PTPRM: variants seen among roughly 807,000 people sequenced by gnomAD.
The protein encoded by PTPRM is receptor-type tyrosine-protein phosphatase mu.
Under a neutral mutation model 186.7 loss-of-function variants are expected in PTPRM, and 47 were observed. The observed-to-expected ratio is 0.25, with a 90% CI of 0.20 to 0.32. PTPRM has a LOEUF of 0.32. Ranked by LOEUF, PTPRM falls within the 10% of genes least tolerant of loss-of-function variation. The probability of loss-of-function intolerance (pLI) is 1.00; values close to 1 mark genes in which losing one functional copy is unlikely to be tolerated. For missense variants in PTPRM, 1,494 were observed against 1,865.0 expected (o/e 0.80, Z 3.66); for synonymous variants, 668 against 674.9 (o/e 0.99, Z 0.16).
At chr18:8,111,397 T>A (rs998889942) in intron 11 of PTPRM, among the ~76,000 whole-genome samples, 1 of 152,076 alleles carries the variant, frequency 6.6e-6, no homozygotes, top group Non-Finnish European at 1.5e-5. Context: ...CGGATCACGA[T>A]GTCAGGAGAT....
At chr18:8,170,432 T>C (rs1359143425) in intron 14 of PTPRM, among the ~76,000 whole-genome samples, 1 of 151,934 alleles carries the variant, frequency 6.6e-6, no homozygotes, top group East Asian at 1.9e-4. Context: ...TTGTTGTTAT[T>C]AAAGCTTCAT....
chr18:8,341,951 T>C (rs1285743685), intron 22 of PTPRM, among the ~76,000 whole-genome samples: 1 of 152,062 alleles, frequency 6.6e-6, no homozygotes. Context: ...TGGTGGAGCT[T>C]TGTGGGAGGC....
At chr18:8,172,710 GA>G (rs757024993) in intron 14 of PTPRM, among the ~76,000 whole-genome samples, 84 of 142,168 alleles carry the variant, frequency 5.9e-4, no homozygotes, top group African/African-American at 1.7e-3. Context: ...AAAAAAAAAA[GA>G]AAAAAAAAAC....
intron 7 of PTPRM, among the ~76,000 whole-genome samples, chr18:7,996,617 A>G (rs1286240505): frequency 1.3e-5 from 2 of 152,136 alleles, no homozygotes; most frequent in African/African-American, 4.8e-5. Context: ...TTTGCAGATG[A>G]CATGATCTTA....
At position 7,774,149 on chromosome 18, in the gene PTPRM, G is replaced by A. The variant is rs1315816919; in HGVS notation, c.74G>A (p.Gly25Asp). Residue 25 changes from glycine to aspartate, a missense_variant and splice_region_variant, in exon 2 of 33, where the codon GGT (glycine) becomes GAT (aspartate). Physicochemically the swap from Gly to Asp is moderately conservative, Grantham distance 94 (BLOSUM62 -1). Coordinates refer to ENST00000580170, the MANE Select transcript of PTPRM (RefSeq NM_001105244.2). ...TACTTTTTATTCTTTTACATTTTAG[G>A]TGGCTGCCTCTTTGATGAGCCGTAT... ...LLTAAGETFSGGCLFDEPYST... is the reference protein window; with the variant it reads ...LLTAAGETFSDGCLFDEPYST... The A allele has an allele frequency of 6.2e-7, 1 of 1,606,050 alleles. No individual in the cohort carries two copies. The highest frequency in any genetic ancestry group is 8.5e-7 in the Non-Finnish European group (1 of 1,173,540).
intron 1 of PTPRM, among the ~76,000 whole-genome samples, chr18:7,680,008 G>A (rs774950841): frequency 4.6e-5 from 7 of 152,018 alleles, no homozygotes; most frequent in Admixed American, 3.3e-4. Context: ...TGTGACCACC[G>A]GTAAGTGCCA....
chr18:7,900,173 G>A (rs2049588149), intron 3 of PTPRM, among the ~76,000 whole-genome samples: 1 of 152,236 alleles, frequency 6.6e-6, no homozygotes, highest in South Asian at 2.1e-4. Flanking sequence ...AACGCTGTCT[G>A]TGGCAGCTAC....
intron 6 of PTPRM, among the ~76,000 whole-genome samples, chr18:7,951,280 A>T (rs1034715753): frequency 1.3e-5 from 2 of 152,184 alleles, no homozygotes; most frequent in African/African-American, 4.8e-5. Context: ...GTTCATCATT[A>T]TCATCATCAT....
chr18:8,078,808 G>A lies in PTPRM; in HGVS notation c.1551+2244G>A, dbSNP rs77950864. ...AAGGGCAGCAGGCACGTCACATGGC[G>A]AGAGCAGGAGCAAGAGAGAGCAAAG... On this transcript the variant is annotated intron_variant, in intron 9 of 32. Transcript: ENST00000580170. Among the ~76,000 whole-genome samples the A allele has an allele frequency of 7.8e-3, 1,181 of 152,250 alleles. 13 individuals carry two copies. The highest frequency in any genetic ancestry group is 0.027 in the African/African-American group (1,113 of 41,542).
chr18:8,038,751 C>T (rs1344999525), intron 7 of PTPRM, among the ~76,000 whole-genome samples: 1 of 152,112 alleles, frequency 6.6e-6, no homozygotes, highest in African/African-American at 2.4e-5. Flanking sequence ...TCACAGTGTT[C>T]ATAGTATTTC....
chr18:8,348,568 A>G (rs547566442), intron 23 of PTPRM, among the ~76,000 whole-genome samples: 1 of 152,294 alleles, frequency 6.6e-6, no homozygotes, highest in African/African-American at 2.4e-5. Context: ...TCCCTCTTTA[A>G]TGAACCCACC....
intron 1 of PTPRM, among the ~76,000 whole-genome samples, chr18:7,744,608 G>A (rs1341853737): frequency 2.0e-5 from 3 of 151,950 alleles, no homozygotes; most frequent in Non-Finnish European, 4.4e-5. Context: ...CTAGTACCTG[G>A]CACATGGTAG....
chr18:8,290,845 G>A (rs982215952), intron 19 of PTPRM, among the ~76,000 whole-genome samples: 2 of 152,074 alleles, frequency 1.3e-5, no homozygotes, highest in Non-Finnish European at 2.9e-5. Context: ...TCTAACAGAA[G>A]GTGCAGTGAG....
chr18:7,752,719 G>C (rs574476081), intron 1 of PTPRM, among the ~76,000 whole-genome samples: 1 of 152,216 alleles, frequency 6.6e-6, no homozygotes, highest in Non-Finnish European at 1.5e-5. Context: ...TGGGATTACA[G>C]GCATGAGTCA....
In PTPRM at chr18:8,069,985, G is replaced by A. The variant is rs1461811413; in HGVS notation, c.1432G>A (p.Asp478Asn). 1 of 1,611,694 alleles carries A rather than the reference G, an allele frequency of 6.2e-7. No individual in the cohort carries two copies. Among genetic ancestry groups the A allele is most frequent in the Non-Finnish European group, 8.5e-7 (1 of 1,178,526 alleles). ...KESQELIVQT[D>N]EDLPGAVPTE... is the part of the protein sequence containing the mutation. Reference sequence around the variant, plus strand: ...AAGCCAAGAACTCATAGTGCAGACAGATGAAGACCGTGAGTACCTTTGAAT... The same window carrying A: ...AAGCCAAGAACTCATAGTGCAGACAAATGAAGACCGTGAGTACCTTTGAAT... The change falls in exon 8 of 33, where the codon GAT (aspartate) becomes AAT (asparagine). Residue 478 changes from aspartate (D) to asparagine (N), a missense_variant. Coordinates refer to ENST00000580170, the MANE Select transcript of PTPRM (RefSeq NM_001105244.2).
intron 32 of PTPRM, chr18:8,404,023 G>C (rs928393057): frequency 2.0e-5 from 3 of 152,152 alleles, no homozygotes; most frequent in African/African-American, 7.2e-5. Context: ...TTTGTTTACA[G>C]AGTTTTTGTG....
intron 1 of PTPRM, among the ~76,000 whole-genome samples, chr18:7,707,620 C>T (rs1342873848): frequency 1.3e-5 from 2 of 152,106 alleles, no homozygotes; most frequent in African/African-American, 4.8e-5. Flanking sequence ...GGCTGGGTTA[C>T]AGAGTGAGGC....
intron 14 of PTPRM, among the ~76,000 whole-genome samples, chr18:8,193,499 G>T (rs2093735069): frequency 6.6e-6 from 1 of 152,108 alleles, no homozygotes; most frequent in African/African-American, 2.4e-5. Context: ...CAGCATAAGG[G>T]TTTTCTTCCC....
intron 1 of PTPRM, among the ~76,000 whole-genome samples, chr18:7,605,201 C>T (rs946494824): frequency 7.9e-5 from 12 of 152,062 alleles, no homozygotes; most frequent in Non-Finnish European, 1.6e-4. Context: ...ACCAAAAAAA[C>T]CCATGTTTTA....
Sources: allele counts gnomAD v4.1 joint callset (sites outside exome capture counted in the v4.1 genomes callset), GRCh38; gene constraint gnomAD v4.1.1; transcripts MANE v1.5; gene names NCBI Gene and HGNC (gene_info 2026-07-23, HGNC 2026-07-21).